Variants in ZNF407 observed in about 807,000 individuals in gnomAD.
The protein encoded by ZNF407 is zinc finger protein 407.
Under a neutral mutation model 131.2 loss-of-function variants are expected in ZNF407, and 17 were observed. The observed-to-expected ratio is 0.13, with a 90% CI of 0.09 to 0.19. The LOEUF (loss-of-function observed/expected upper bound fraction) is 0.19, where lower values mean the gene tolerates loss of function less well. Ranked by LOEUF, ZNF407 falls within the 10% of genes least tolerant of loss-of-function variation. The pLI, the probability that ZNF407 is intolerant of heterozygous loss-of-function variation, is 1.00. For missense variants in ZNF407, 2,681 were observed against 2,830.6 expected (o/e 0.95, Z 1.20); for synonymous variants, 1,156 against 1,062.0 (o/e 1.09, Z -1.72).
chr18:74,639,402 A>G (rs2144685623), intron 2 of ZNF407, among the ~76,000 whole-genome samples: 1 of 152,326 alleles, frequency 6.6e-6, no homozygotes, highest in East Asian at 1.9e-4. Context: ...ATTGAAATTT[A>G]AAGTGTTGGT....
At chr18:74,707,585 G>A (rs769768587) in intron 3 of ZNF407, among the ~76,000 whole-genome samples, 1 of 152,188 alleles carries the variant, frequency 6.6e-6, no homozygotes, top group Non-Finnish European at 1.5e-5. Flanking sequence ...TTGGATTTCA[G>A]ATTTTTGGAT....
intron 8 of ZNF407, among the ~76,000 whole-genome samples, chr18:74,975,610 G>T (rs1023328690): frequency 6.6e-6 from 1 of 151,958 alleles, no homozygotes; most frequent in African/African-American, 2.4e-5. Flanking sequence ...TTCCATACTA[G>T]GTCTAGGGAA....
chr18:74,900,740 C>T (rs912932982), intron 7 of ZNF407, among the ~76,000 whole-genome samples: 1 of 152,184 alleles, frequency 6.6e-6, no homozygotes, highest in East Asian at 1.9e-4. Context: ...CACCTGACTC[C>T]TGCACGTATT....
intron 3 of ZNF407, among the ~76,000 whole-genome samples, chr18:74,766,388 G>A (rs750506587): frequency 3.3e-5 from 5 of 152,200 alleles, no homozygotes; most frequent in Non-Finnish European, 7.3e-5. Flanking sequence ...AGAAGCTGAT[G>A]TAGAAGCTTT....
intron 4 of ZNF407, among the ~76,000 whole-genome samples, chr18:74,834,647 A>T (rs926193709): frequency 6.6e-6 from 1 of 152,198 alleles, no homozygotes; most frequent in African/African-American, 2.4e-5. Flanking sequence ...AGCCAGTCAG[A>T]TATATTTGAT....
At chr18:74,927,447 A>G (rs541408589) in intron 8 of ZNF407, among the ~76,000 whole-genome samples, 61 of 152,362 alleles carry the variant, frequency 4.0e-4, no homozygotes, top group Admixed American at 6.5e-4. Flanking sequence ...ACACCATGGT[A>G]AATGTTTTCA....
chr18:74,701,084 C>G (rs139187475), intron 3 of ZNF407, among the ~76,000 whole-genome samples: 1 of 152,182 alleles, frequency 6.6e-6, no homozygotes, highest in Non-Finnish European at 1.5e-5. Context: ...CGCATGCACA[C>G]TTGTCCTCAC....
chr18:74,876,292 GT>G (rs1355646814), intron 4 of ZNF407, among the ~76,000 whole-genome samples: 2 of 152,292 alleles, frequency 1.3e-5, no homozygotes, highest in East Asian at 3.9e-4. Flanking sequence ...TGATTATTGA[GT>G]TTTACTTTGC....
At chr18:74,964,365 T>C (rs746199473) in intron 8 of ZNF407, among the ~76,000 whole-genome samples, 7 of 152,238 alleles carry the variant, frequency 4.6e-5, no homozygotes, top group Non-Finnish European at 7.3e-5. Flanking sequence ...ATCAGCTTTA[T>C]GCCCTCTCAG....
intron 7 of ZNF407, among the ~76,000 whole-genome samples, chr18:74,919,762 A>G (rs112009974): frequency 3.2e-4 from 48 of 152,326 alleles, no homozygotes; most frequent in African/African-American, 1.0e-3. Context: ...TCTGACAGGG[A>G]TGAAAGAGCA....
intron 8 of ZNF407, among the ~76,000 whole-genome samples, chr18:75,018,641 C>T (rs1298541193): frequency 6.6e-6 from 1 of 151,596 alleles, no homozygotes; most frequent in Non-Finnish European, 1.5e-5. Context: ...AATTAGCAAA[C>T]CTTACAAATC....
In ZNF407 at chr18:75,064,604, C is replaced by T. The variant is rs1973689283; in HGVS notation, c.*136C>T. 2 of 817,554 alleles carry T rather than the reference C, an allele frequency of 2.4e-6. No homozygotes were observed. The highest frequency in any genetic ancestry group is 3.4e-5 in the African/African-American group (2 of 58,602). The allele number at this position is 817,554 out of a possible 1,614,324, so 50.6% of individuals were successfully genotyped here. A position where few individuals can be genotyped will look rare whatever the true frequency, so the allele number is the denominator to read the frequency against. On this transcript the variant is annotated 3_prime_UTR_variant, in exon 9 of 9. Transcript: ENST00000299687. ...CTCCCGTGAGCTCTGAGCATGCCCT[C>T]CCAGCGAGAGTCACACTGGCCACCA... is the stretch of plus-strand genomic sequence containing the variant.
At chr18:74,663,939 C>G (rs1269252090) in intron 3 of ZNF407, among the ~76,000 whole-genome samples, 1 of 152,310 alleles carries the variant, frequency 6.6e-6, no homozygotes, top group South Asian at 2.1e-4. Flanking sequence ...CCTGCAGTTC[C>G]ACATAGCAGG....
chr18:74,622,347 G>T (rs946773410), intron 1 of ZNF407, among the ~76,000 whole-genome samples: 2 of 152,204 alleles, frequency 1.3e-5, no homozygotes, highest in Admixed American at 6.5e-5. Flanking sequence ...AGATGCGAGT[G>T]GCCCCCTAGT....
At chr18:74,975,184 G>A (rs888837587) in intron 8 of ZNF407, among the ~76,000 whole-genome samples, 3 of 152,216 alleles carry the variant, frequency 2.0e-5, no homozygotes, top group Non-Finnish European at 1.5e-5. Flanking sequence ...GCTGAAATAT[G>A]CTTTTAATTG....
At chr18:74,963,028 C>G (rs913277377) in intron 8 of ZNF407, among the ~76,000 whole-genome samples, 1 of 152,216 alleles carries the variant, frequency 6.6e-6, no homozygotes, top group African/African-American at 2.4e-5. Flanking sequence ...CACATCAGCC[C>G]CTTCTTCCAG....
rs189634848 is a variant in ZNF407 at position 74,720,850 on chromosome 18, T to G, written c.4803-60578T>G. On this transcript the variant is annotated intron_variant, in intron 3 of 8. Coordinates refer to ENST00000299687, the MANE Select transcript of ZNF407 (RefSeq NM_017757.3). Reference sequence around the variant, plus strand: ...CTGTTCCATTGGTCTGTGTGTCTGTTTTTATGCTAGTACCATGCTGTTTTG... The same window carrying G: ...CTGTTCCATTGGTCTGTGTGTCTGTGTTTATGCTAGTACCATGCTGTTTTG... 3.8e-3 allele frequency among the ~76,000 whole-genome samples: 582 copies of G among 152,280 alleles called. 5 individuals carry two copies. Among genetic ancestry groups the G allele is most frequent in the Non-Finnish European group, 7.1e-3 (486 of 68,004 alleles).
At chr18:74,764,454 G>C (rs1370017272) in intron 3 of ZNF407, among the ~76,000 whole-genome samples, 1 of 152,026 alleles carries the variant, frequency 6.6e-6, no homozygotes, top group African/African-American at 2.4e-5. Flanking sequence ...CTCTACAGTC[G>C]ATCCTCTGTA....
intron 1 of ZNF407, among the ~76,000 whole-genome samples, chr18:74,612,045 G>A (rs143994582): frequency 8.5e-5 from 13 of 152,232 alleles, no homozygotes; most frequent in South Asian, 2.1e-4. Context: ...GTGAAGTCCC[G>A]TACAGTAGTG....
Sources: gnomAD v4.1 joint callset for allele counts (sites outside exome capture counted in the v4.1 genomes callset) on GRCh38, gnomAD v4.1.1 for gene constraint, MANE v1.5 for transcripts, NCBI Gene and HGNC (gene_info 2026-07-23, HGNC 2026-07-21) for gene names.